Variants in PLA2G12B observed in about 807,000 individuals in gnomAD.
PLA2G12B encodes the protein group XIIB secretory phospholipase A2-like protein.
Under a neutral mutation model 22.3 loss-of-function variants are expected in PLA2G12B, and 19 were observed. The ratio of observed to expected loss-of-function variants is 0.85; its 90% CI spans 0.60 to 1.25. PLA2G12B has a LOEUF of 1.25. Among genes scored for constraint, PLA2G12B ranks in the 50% most tolerant of loss-of-function variants. The pLI is 0.00. For missense variants in PLA2G12B, 191 were observed against 246.6 expected (o/e 0.77, Z 1.51); for synonymous variants, 81 against 94.9 (o/e 0.85, Z 0.85).
At position 72,939,642 on chromosome 10, in the gene PLA2G12B, T is replaced by G. The variant is rs1231449996; in HGVS notation, c.466+1527A>C. Among the ~76,000 whole-genome samples, 4 of 152,308 alleles carry G rather than the reference T, an allele frequency of 2.6e-5. No individual in the cohort carries two copies. In the East Asian group the frequency reaches 7.7e-4, roughly 29 times the overall value. ...ATGCTTTGTGATGTGTGGATTCATCTCACAGAAAGGAACCTGTGTTTTGAT... is the reference window on the plus strand; with the variant it reads ...ATGCTTTGTGATGTGTGGATTCATCGCACAGAAAGGAACCTGTGTTTTGAT... On this transcript the variant is annotated intron_variant, in intron 3 of 3. Transcript: ENST00000373032.
Position 72,935,495 on chromosome 10 carries a change from C to T in PLA2G12B, c.*122G>A. On this transcript the variant is annotated 3_prime_UTR_variant, in exon 4 of 4. Coordinates refer to ENST00000373032, the MANE Select transcript of PLA2G12B (RefSeq NM_032562.5). ...CCAGCTGTAGAAAAATGTTCCCTTT[C>T]TCCTGCTTTGTGGTGTCCAAACTGT... 1 of 1,398,840 alleles carries T rather than the reference C, an allele frequency of 7.1e-7. No homozygotes were observed. The highest frequency in any genetic ancestry group is 9.7e-7 in the Non-Finnish European group (1 of 1,033,248). The allele number at this position is 1,398,840 out of a possible 1,614,324, so 86.7% of individuals were successfully genotyped here.
At position 72,954,481 on chromosome 10, in the gene PLA2G12B, G is replaced by C; in HGVS notation, c.205C>G (p.Arg69Gly). ...AGAGAAACCGCACACTCACCATATC[G>C]GCACCTGTACTGACAGACTCCATTC... Reference protein sequence around the residue: ...GKNGVCQYRCRYGKAPMPRPG... With the variant: ...GKNGVCQYRCGYGKAPMPRPG... Residue 69 changes from arginine (R) to glycine (G), a missense_variant, in exon 1 of 4, where the codon CGA (arginine) becomes GGA (glycine). Arg to Gly is a moderately radical substitution (Grantham distance 125). Coordinates refer to ENST00000373032, the MANE Select transcript of PLA2G12B (RefSeq NM_032562.5). 1 of 1,614,128 alleles carries C rather than the reference G, an allele frequency of 6.2e-7. No homozygotes were observed. The highest frequency in any genetic ancestry group is 8.5e-7 in the Non-Finnish European group (1 of 1,180,020).
intron 1 of PLA2G12B, among the ~76,000 whole-genome samples, chr10:72,944,004 CT>C (rs755612221): frequency 3.3e-5 from 5 of 149,844 alleles, no homozygotes; most frequent in Admixed American, 2.7e-4. Context: ...CTTTCTTTTT[CT>C]TTCTTCCTTC....
Position 72,935,703 on chromosome 10 carries a change from T to C in PLA2G12B, c.502A>G (p.Thr168Ala). 1 of 1,614,162 alleles carries C rather than the reference T, an allele frequency of 6.2e-7. No homozygotes were observed. The change falls in exon 4 of 4, where the codon ACC (threonine) becomes GCC (alanine). Residue 168 changes from threonine (T) to alanine (A), a missense_variant. Coordinates refer to ENST00000373032, the MANE Select transcript of PLA2G12B (RefSeq NM_032562.5). ...CDSLVDTVFN[T>A]VWTLGCRPFM... is the part of the protein sequence containing the mutation. ...GGGCGGCAGCCCAAGGTCCACACGG[T>C]GTTGAACACAGTGTCAACCAGGGAA... is the stretch of plus-strand genomic sequence containing the variant.
intron 3 of PLA2G12B, among the ~76,000 whole-genome samples, chr10:72,936,102 T>C (rs1047186728): frequency 6.6e-6 from 1 of 152,136 alleles, no homozygotes; most frequent in Non-Finnish European, 1.5e-5. Context: ...ACACCGAATC[T>C]CGCCTATAGC....
intron 2 of PLA2G12B, among the ~76,000 whole-genome samples, chr10:72,941,834 G>T (rs1041889776): frequency 1.1e-4 from 16 of 151,522 alleles, no homozygotes; most frequent in African/African-American, 3.9e-4. Context: ...GTGTGTGTGG[G>T]TGTGTGTGTT....
chr10:72,946,333 A>G (rs557619448), intron 1 of PLA2G12B, among the ~76,000 whole-genome samples: 4 of 152,312 alleles, frequency 2.6e-5, no homozygotes, highest in Middle Eastern at 3.4e-3. Context: ...GTATAGACAT[A>G]CCACATTTTT....
At position 72,935,700 on chromosome 10, in the gene PLA2G12B, C is replaced by A; in HGVS notation, c.505G>T (p.Val169Leu). 1.2e-6 allele frequency: 2 copies of A among 1,614,146 alleles called. No homozygotes were observed. Among genetic ancestry groups the A allele is most frequent in the Non-Finnish European group, 1.7e-6 (2 of 1,180,008 alleles). Reference sequence around the variant, plus strand: ...AAGGGGCGGCAGCCCAAGGTCCACACGGTGTTGAACACAGTGTCAACCAGG... The same window carrying A: ...AAGGGGCGGCAGCCCAAGGTCCACAAGGTGTTGAACACAGTGTCAACCAGG... ...DSLVDTVFNT[V>L]WTLGCRPFMN... The change falls in exon 4 of 4, where the codon GTG (valine) becomes TTG (leucine). Residue 169 changes from valine to leucine, a missense_variant. Coordinates refer to ENST00000373032, the MANE Select transcript of PLA2G12B (RefSeq NM_032562.5).
chr10:72,948,911 C>T (rs1277068934), intron 1 of PLA2G12B, among the ~76,000 whole-genome samples: 2 of 152,202 alleles, frequency 1.3e-5, no homozygotes, highest in African/African-American at 4.8e-5. Flanking sequence ...ATCCCAAGAG[C>T]TCTACCTGCC....
chr10:72,946,132 TG>T (rs1484409413), intron 1 of PLA2G12B, among the ~76,000 whole-genome samples: 3 of 152,162 alleles, frequency 2.0e-5, no homozygotes. Context: ...AAAGAAACCC[TG>T]TACCCATTAA....
intron 1 of PLA2G12B, among the ~76,000 whole-genome samples, chr10:72,949,165 C>T (rs991709468): frequency 1.3e-5 from 2 of 152,120 alleles, no homozygotes; most frequent in African/African-American, 4.8e-5. Context: ...ATTGCATATC[C>T]TGCACATGTA....
Position 72,941,317 on chromosome 10 carries a change from T to C in PLA2G12B, c.318A>G (p.Pro106=). The part of the protein sequence containing the change: ...KVPESMDLGI[P]AMTKCCNQLD... ...GCTGGTTGCAGCACTTTGTCATTGC[T>C]GGAATGCCCAAGTCCATCTGGGGAA... is the stretch of plus-strand genomic sequence containing the variant. Residue 106 remains proline (P), a synonymous_variant, in exon 3 of 4, where the codon CCA becomes CCG. Transcript: ENST00000373032. The C allele has an allele frequency of 6.2e-7, 1 of 1,613,778 alleles. No individual in the cohort carries two copies. The highest frequency in any genetic ancestry group is 8.5e-7 in the Non-Finnish European group (1 of 1,179,708).
chr10:72,954,771 C>A lies in PLA2G12B; in HGVS notation c.-86G>T. The A allele has an allele frequency of 7.2e-7, 1 of 1,386,264 alleles. No homozygotes were observed. Among genetic ancestry groups the A allele is most frequent in the South Asian group, 1.2e-5 (1 of 81,358 alleles). 85.9% of individuals were successfully genotyped at this position (1,386,264 alleles called of 1,614,324 possible). On this transcript the variant is annotated 5_prime_UTR_variant, in exon 1 of 4. Transcript: ENST00000373032. ...AGGGACAAACCCCCTACCCAGATGT[C>A]AGGCAGGACTGGGAAAGGGATTATC...
At chr10:72,945,665 TC>T (rs1391662636) in intron 1 of PLA2G12B, among the ~76,000 whole-genome samples, 1 of 149,298 alleles carries the variant, frequency 6.7e-6, no homozygotes, top group African/African-American at 2.6e-5. Flanking sequence ...TTTTTTTTTT[TC>T]AGATGGAATC....
At chr10:72,946,658 CAGT>C (rs1846447511) in intron 1 of PLA2G12B, among the ~76,000 whole-genome samples, 2 of 152,164 alleles carry the variant, frequency 1.3e-5, no homozygotes, top group South Asian at 4.2e-4. Flanking sequence ...TGGTGTTTCA[CAGT>C]AGTTTTGACT....
intron 3 of PLA2G12B, among the ~76,000 whole-genome samples, chr10:72,938,322 A>G (rs1207471206): frequency 6.6e-6 from 1 of 152,090 alleles, no homozygotes; most frequent in Non-Finnish European, 1.5e-5. Flanking sequence ...ACTTCTATTC[A>G]ATGTTGTGTT....
At chr10:72,935,814 C>A in intron 3 of PLA2G12B, 76 bp from the exon 4 acceptor site, 1 of 1,508,968 alleles carries the variant, frequency 6.6e-7, no homozygotes, top group Non-Finnish European at 9.0e-7. Context: ...TGACATGATA[C>A]CCAGAGGAAA....
At chr10:72,950,753 T>G (rs1454173216) in intron 1 of PLA2G12B, among the ~76,000 whole-genome samples, 2 of 152,254 alleles carry the variant, frequency 1.3e-5, no homozygotes, top group Non-Finnish European at 2.9e-5. Context: ...GTGCTGGGAT[T>G]ACAATAGACA....
intron 1 of PLA2G12B, among the ~76,000 whole-genome samples, chr10:72,944,770 T>A (rs1846414705): frequency 6.6e-6 from 1 of 152,250 alleles, no homozygotes; most frequent in Non-Finnish European, 1.5e-5. Context: ...GAACCCAGGC[T>A]GCTTCTAGCT....
Sources: allele counts gnomAD v4.1 joint callset (sites outside exome capture counted in the v4.1 genomes callset), GRCh38; gene constraint gnomAD v4.1.1; transcripts MANE v1.5; gene names NCBI Gene and HGNC (gene_info 2026-07-23, HGNC 2026-07-21).